SI: variants seen among roughly 807,000 people sequenced by gnomAD.
SI encodes sucrase-isomaltase, also known as sucrase-isomaltase, intestinal.
Under a neutral mutation model 253.3 loss-of-function variants are expected in SI, and 235 were observed. The ratio of observed to expected loss-of-function variants is 0.93; its 90% CI spans 0.83 to 1.03. The LOEUF is 1.03. SI is among the 50% of genes least tolerant of loss of function. The pLI is 0.00. For missense variants in SI, 2,442 were observed against 2,211.1 expected (o/e 1.10, Z -2.09); for synonymous variants, 819 against 712.0 (o/e 1.15, Z -2.39).
chr3:165,000,972 T>G (rs1718231289), intron 37 of SI, among the ~76,000 whole-genome samples: 1 of 151,072 alleles, frequency 6.6e-6, no homozygotes, highest in Non-Finnish European at 1.5e-5. Flanking sequence ...TATAAAAAAG[T>G]TTTTTATAGA....
At chr3:165,050,366 T>C (rs898220508) in intron 13 of SI, among the ~76,000 whole-genome samples, 5 of 152,226 alleles carry the variant, frequency 3.3e-5, no homozygotes, top group African/African-American at 4.8e-5. Context: ...GTATTTTAAT[T>C]AAAATAGTTA....
chr3:165,009,595 T>C (rs779430764), intron 34 of SI, among the ~76,000 whole-genome samples, 200 bp from the exon 35 acceptor site: 1 of 152,134 alleles, frequency 6.6e-6, no homozygotes, highest in Non-Finnish European at 1.5e-5. Flanking sequence ...GTGGAGATAA[T>C]AGAGCCATTT....
chr3:165,020,523 C>G (rs1711545674), intron 27 of SI, among the ~76,000 whole-genome samples: 1 of 151,530 alleles, frequency 6.6e-6, no homozygotes. Context: ...TATAAAATGA[C>G]TTAGCTTCCC....
intron 43 of SI, among the ~76,000 whole-genome samples, 168 bp from the exon 44 acceptor site, chr3:164,991,645 CTA>C (rs1017622275): frequency 1.3e-5 from 2 of 151,868 alleles, no homozygotes; most frequent in Non-Finnish European, 2.9e-5. Flanking sequence ...AACCATTTTA[CTA>C]TATATATATC....
intron 25 of SI, among the ~76,000 whole-genome samples, chr3:165,026,286 A>G (rs1426134191): frequency 6.6e-6 from 1 of 151,350 alleles, no homozygotes; most frequent in Non-Finnish European, 1.5e-5. Flanking sequence ...AAATATCACA[A>G]TCCTAAATAT....
At chr3:165,016,844 G>T (rs1241636871) in intron 31 of SI, among the ~76,000 whole-genome samples, 1 of 151,652 alleles carries the variant, frequency 6.6e-6, no homozygotes, top group Non-Finnish European at 1.5e-5. Flanking sequence ...TTTCTGTATT[G>T]TCAACATATA....
intron 27 of SI, 31 bp from the exon 28 acceptor site, chr3:165,019,801 G>C (rs1324556064): frequency 6.3e-7 from 1 of 1,594,562 alleles, no homozygotes; most frequent in Non-Finnish European, 8.6e-7. Context: ...AGCTATGTCT[G>C]TCAAAATATA....
Position 165,036,561 on chromosome 3 carries a change from G to A in SI, c.2427-84C>T, listed in dbSNP as rs566557210. On this transcript the variant is annotated intron_variant, in intron 21 of 47. Coordinates refer to ENST00000264382, the MANE Select transcript of SI (RefSeq NM_001041.4). The stretch of plus-strand genomic sequence containing the variant: ...CCTATAAACAAGTCCACTTCAACCT[G>A]TCTGTTTTATGGGCCCTGAATTCAG... 2.8e-5 allele frequency: 26 copies of A among 913,830 alleles called. No homozygotes were observed. The East Asian group carries it at 3.6e-4, about 13-fold the overall frequency. The allele number at this position is 913,830 out of a possible 1,614,324, so 56.6% of individuals were successfully genotyped here.
intron 7 of SI, among the ~76,000 whole-genome samples, chr3:165,064,471 A>G (rs1461927883): frequency 6.6e-6 from 1 of 152,148 alleles, no homozygotes; most frequent in Non-Finnish European, 1.5e-5. Context: ...TCACTGGTTT[A>G]TCTTTGATAT....
At chr3:164,983,684 G>C (rs1471736578) in intron 45 of SI, among the ~76,000 whole-genome samples, 1 of 151,914 alleles carries the variant, frequency 6.6e-6, no homozygotes, top group Non-Finnish European at 1.5e-5. Flanking sequence ...GGACCTCCTG[G>C]GCTCAAGCAA....
At chr3:165,010,994 T>G (rs1191238687) in intron 34 of SI, among the ~76,000 whole-genome samples, 4 of 152,170 alleles carry the variant, frequency 2.6e-5, no homozygotes, top group African/African-American at 9.7e-5. Flanking sequence ...AGTTTTAAGC[T>G]CCCAAATTTT....
At chr3:165,007,230 G>C (rs529690649) in intron 36 of SI, among the ~76,000 whole-genome samples, 5 of 152,042 alleles carry the variant, frequency 3.3e-5, no homozygotes, top group African/African-American at 1.2e-4. Flanking sequence ...ACACTGATTA[G>C]AGTTTTATTA....
At chr3:165,055,365 A>C (rs1462422673) in intron 12 of SI, 58 bp from the exon 13 acceptor site, 1 of 946,140 alleles carries the variant, frequency 1.1e-6, no homozygotes, top group African/African-American at 1.6e-5. Flanking sequence ...AATAAATGGA[A>C]TTTCAAATTA....
intron 25 of SI, among the ~76,000 whole-genome samples, chr3:165,024,733 T>A (rs1711812746): frequency 6.6e-6 from 1 of 151,288 alleles, no homozygotes; most frequent in Admixed American, 6.6e-5. Flanking sequence ...TTTATTTTTC[T>A]CATTTTTTTA....
At chr3:165,086,507 T>C in the SI span, among the ~76,000 whole-genome samples, 3 of 152,190 alleles carry the variant, frequency 2.0e-5, no homozygotes, top group Non-Finnish European at 4.4e-5. Context: ...GTTAGGTTAA[T>C]TTGGCAACAG....
rs1328457166 is a variant in SI at position 165,059,080 on chromosome 3, G to A, written c.1281C>T (p.Asp427=). The A allele has an allele frequency of 2.5e-6, 4 of 1,612,080 alleles. No homozygotes were observed. Among genetic ancestry groups the A allele is most frequent in the South Asian group, 1.1e-5 (1 of 91,016 alleles). ...CACGTCGACCTATGGAAATTGCAGG[G>A]TCCTAATAATAGAAAGCAGAAACTG... ...DHGQKYVIIL[D]PAISIGRRAN... Residue 427 remains aspartate, a splice_region_variant and synonymous_variant, in exon 12 of 48, where the codon GAC becomes GAT. Coordinates refer to ENST00000264382, the MANE Select transcript of SI (RefSeq NM_001041.4).
Position 165,017,582 on chromosome 3 carries a change from A to G in SI, c.3725T>C (p.Leu1242Ser). 6.2e-7 allele frequency: 1 copy of G among 1,612,688 alleles called. No homozygotes were observed. Among genetic ancestry groups the G allele is most frequent in the Non-Finnish European group, 8.5e-7 (1 of 1,178,986 alleles). Residue 1242 changes from leucine (L) to serine (S), a missense_variant, in exon 31 of 48, where the codon TTA (leucine) becomes TCA (serine). Leu to Ser is a moderately radical substitution (Grantham distance 145). Coordinates refer to ENST00000264382, the MANE Select transcript of SI (RefSeq NM_001041.4). ...GTTAGCAGCCACCATAGCGTCATAT[A>G]ATTCCCGAACCTCTGAAGTATTTGC... ...GYANTSEVRE[L>S]YDAMVAANIP...
At chr3:165,021,412 A>T in intron 26 of SI, 29 bp from the exon 27 acceptor site, 6 of 1,564,716 alleles carry the variant, frequency 3.8e-6, no homozygotes, top group South Asian at 3.3e-5. Context: ...AAAAAAGTTT[A>T]TTCTGATTGC....
Position 165,077,859 on chromosome 3 carries a change from T to G in SI, c.-1+574A>C, listed in dbSNP as rs527940989. On this transcript the variant is annotated intron_variant, in intron 1 of 47. Coordinates refer to ENST00000264382, the MANE Select transcript of SI (RefSeq NM_001041.4). ...CAAAACAAAATTTAAAACAATTGCT[T>G]AAAATTACTGTGATAAAAAAATATG... is the stretch of plus-strand genomic sequence containing the variant. Among the ~76,000 whole-genome samples, 4 of 151,736 alleles carry G rather than the reference T, an allele frequency of 2.6e-5. No homozygotes were observed. In the South Asian group the frequency reaches 8.3e-4, roughly 31 times the overall value.
Sources: gnomAD v4.1 joint callset for allele counts (sites outside exome capture counted in the v4.1 genomes callset) on GRCh38, gnomAD v4.1.1 for gene constraint, MANE v1.5 for transcripts, NCBI Gene and HGNC (gene_info 2026-07-23, HGNC 2026-07-21) for gene names.